RAP1GAP2: variants seen among roughly 807,000 people sequenced by gnomAD.
RAP1GAP2 encodes the protein rap1 GTPase-activating protein 2.
Under a neutral mutation model 95.0 loss-of-function variants are expected in RAP1GAP2, and 27 were observed. The observed-to-expected ratio is 0.28, with a 90% CI of 0.21 to 0.39. The LOEUF (loss-of-function observed/expected upper bound fraction) is 0.39. Ranked by LOEUF, RAP1GAP2 falls within the 10% of genes least tolerant of loss-of-function variation. The pLI, the probability that RAP1GAP2 is intolerant of heterozygous loss-of-function variation, is 1.00. For missense variants in RAP1GAP2, 771 were observed against 970.0 expected (o/e 0.79, Z 2.72); for synonymous variants, 373 against 380.9 (o/e 0.98, Z 0.24).
At position 2,963,249 on chromosome 17, in the gene RAP1GAP2, A is replaced by T; in HGVS notation, c.247-181A>T. Reference sequence around the variant, plus strand: ...GCAGGGTTTATGTTTGGGTTCTGTCAGTTTGGAGAAGAACATGGGGGATGT... The same window carrying T: ...GCAGGGTTTATGTTTGGGTTCTGTCTGTTTGGAGAAGAACATGGGGGATGT... On this transcript the variant is annotated intron_variant, in intron 5 of 24. Transcript: ENST00000254695. The surrounding 1 kb of genome is among the most constrained non-coding windows in gnomAD (Gnocchi z 4.8). 1 of 715,884 alleles carries T rather than the reference A, an allele frequency of 1.4e-6. No individual in the cohort carries two copies. Among genetic ancestry groups the T allele is most frequent in the Non-Finnish European group, 2.4e-6 (1 of 410,040 alleles). The allele number at this position is 715,884 out of a possible 1,614,324, so 44.3% of individuals were successfully genotyped here. A position where few individuals can be genotyped will look rare whatever the true frequency, so the allele number is the denominator to read the frequency against.
chr17:2,983,487 G>T (rs142506244), intron 10 of RAP1GAP2, among the ~76,000 whole-genome samples: 97 of 152,318 alleles, frequency 6.4e-4, no homozygotes, highest in African/African-American at 2.3e-3. Context: ...TCTTTGTTTA[G>T]TAATTTAATG....
At chr17:3,001,557 GCA>G (rs2046160765) in intron 14 of RAP1GAP2, among the ~76,000 whole-genome samples, 1 of 128,070 alleles carries the variant, frequency 7.8e-6, no homozygotes, top group Non-Finnish European at 1.6e-5. Flanking sequence ...GCAGGTCCAA[GCA>G]CCAGGCTGAA....
chr17:2,942,943 A>G (rs756790387), intron 3 of RAP1GAP2, among the ~76,000 whole-genome samples: 2 of 151,828 alleles, frequency 1.3e-5, no homozygotes, highest in African/African-American at 2.4e-5. Context: ...TAATTTTTGT[A>G]TTTTTAGTAG....
chr17:2,908,874 T>C (rs370575746), intron 3 of RAP1GAP2, among the ~76,000 whole-genome samples: 1 of 151,898 alleles, frequency 6.6e-6, no homozygotes, highest in African/African-American at 2.4e-5. Context: ...CCCAGCTAAT[T>C]TAAAAATTTT....
intron 8 of RAP1GAP2, among the ~76,000 whole-genome samples, chr17:2,968,566 A>T (rs1419351996): frequency 6.6e-6 from 1 of 152,196 alleles, no homozygotes; most frequent in Non-Finnish European, 1.5e-5. Context: ...TATTTCATAG[A>T]TATAAAGTTA....
chr17:2,998,352 A>G lies in RAP1GAP2; in HGVS notation c.1176A>G (p.Pro392=), dbSNP rs754861952. ...ACATCGTCGTGCAGGTCGAGACCCCAGGCACAGAGACCCCATCCTACAAGG... is the reference window on the plus strand; with the variant it reads ...ACATCGTCGTGCAGGTCGAGACCCCGGGCACAGAGACCCCATCCTACAAGG... ...HAYIVVQVET[P]GTETPSYKVS... Residue 392 remains proline (P), a synonymous_variant, in exon 14 of 25, where the codon CCA becomes CCG. Coordinates refer to ENST00000254695, the MANE Select transcript of RAP1GAP2 (RefSeq NM_015085.5). The G allele has an allele frequency of 1.9e-6, 3 of 1,614,014 alleles. No homozygotes were observed. The highest frequency in any genetic ancestry group is 2.2e-5 in the South Asian group (2 of 91,084).
upstream of RAP1GAP2, among the ~76,000 whole-genome samples, chr17:2,794,159 T>C (rs1426483296): frequency 1.3e-5 from 2 of 151,998 alleles, no homozygotes; most frequent in Admixed American, 1.3e-4. Flanking sequence ...TTCTCTGCCT[T>C]CCTGTGAGTC....
chr17:2,897,368 G>T (rs936215171), intron 2 of RAP1GAP2, among the ~76,000 whole-genome samples: 1 of 151,798 alleles, frequency 6.6e-6, no homozygotes. Context: ...CAAAAAAATG[G>T]GTGTCCAGAA....
intron 2 of RAP1GAP2, among the ~76,000 whole-genome samples, chr17:2,900,232 C>A (rs1327629217): frequency 1.3e-5 from 2 of 152,118 alleles, no homozygotes; most frequent in Non-Finnish European, 2.9e-5. Context: ...CGGTTATGAT[C>A]CTGAGAGTAG....
intron 2 of RAP1GAP2, among the ~76,000 whole-genome samples, chr17:2,901,515 T>C (rs972814790): frequency 1.3e-5 from 2 of 152,122 alleles, no homozygotes; most frequent in Non-Finnish European, 2.9e-5. Flanking sequence ...GGGCTGCGGT[T>C]TTCAATCTCA....
intron 2 of RAP1GAP2, among the ~76,000 whole-genome samples, chr17:2,836,144 G>A (rs2071118906): frequency 6.6e-6 from 1 of 152,102 alleles, no homozygotes; most frequent in Non-Finnish European, 1.5e-5. Context: ...AATGAGTGGT[G>A]TGGTCGTCCC....
intron 8 of RAP1GAP2, among the ~76,000 whole-genome samples, chr17:2,968,859 AAAAG>A (rs1046783481): frequency 1.3e-5 from 2 of 152,118 alleles, no homozygotes; most frequent in Admixed American, 6.5e-5. Flanking sequence ...GTCAAATACA[AAAAG>A]AAAGCGGGAT....
chr17:2,879,405 T>C (rs8070504), intron 2 of RAP1GAP2, among the ~76,000 whole-genome samples: 134,384 of 152,000 alleles, frequency 0.88, 59,572 homozygotes, highest in Admixed American at 0.92. Flanking sequence ...CGTGAGCCAC[T>C]GCGCCCGGCC....
At chr17:3,011,224 G>A (rs1346598164) in intron 17 of RAP1GAP2, among the ~76,000 whole-genome samples, 2 of 152,120 alleles carry the variant, frequency 1.3e-5, no homozygotes, top group Non-Finnish European at 2.9e-5. Context: ...CACCGCGCCC[G>A]GCCATTTGTG....
intron 8 of RAP1GAP2, among the ~76,000 whole-genome samples, chr17:2,967,500 G>C (rs2044668107): frequency 6.6e-6 from 1 of 152,160 alleles, no homozygotes; most frequent in Non-Finnish European, 1.5e-5. Flanking sequence ...GGAATAGACA[G>C]GGATCTTTCC....
chr17:2,766,644 A>G (rs960334339), intron 1 of RAP1GAP2, among the ~76,000 whole-genome samples: 17 of 151,630 alleles, frequency 1.1e-4, no homozygotes, highest in Admixed American at 5.3e-4. Flanking sequence ...GAATGGGATT[A>G]GTGTCTGTAT....
At chr17:2,820,712 G>A (rs1037521278) in intron 2 of RAP1GAP2, among the ~76,000 whole-genome samples, 3 of 150,676 alleles carry the variant, frequency 2.0e-5, no homozygotes, top group East Asian at 1.9e-4. Flanking sequence ...TGATTTTCAT[G>A]TTGATTTGAG....
At chr17:2,895,274 A>C (rs962354833) in intron 2 of RAP1GAP2, among the ~76,000 whole-genome samples, 2 of 151,626 alleles carry the variant, frequency 1.3e-5, no homozygotes, top group Non-Finnish European at 2.9e-5. Context: ...GCAGGCGTCC[A>C]CTCTGGGAAG....
At chr17:2,918,759 C>T (rs2042656232) in intron 3 of RAP1GAP2, among the ~76,000 whole-genome samples, 1 of 152,144 alleles carries the variant, frequency 6.6e-6, no homozygotes, top group Admixed American at 6.5e-5. Flanking sequence ...CCACCTCCAG[C>T]ACTGAGGGTT....
Sources: gnomAD v4.1 joint callset for allele counts (sites outside exome capture counted in the v4.1 genomes callset) on GRCh38, gnomAD v4.1.1 for gene constraint, Gnocchi (gnomAD v3.1) non-coding constraint, MANE v1.5 for transcripts, NCBI Gene and HGNC (gene_info 2026-07-23, HGNC 2026-07-21) for gene names.